ROBO2: variants seen among roughly 807,000 people sequenced by gnomAD.
ROBO2 encodes the protein roundabout homolog 2.
In ROBO2, 53 loss-of-function variants were observed where a neutral mutation model predicts 160.8. That is an observed-to-expected ratio of 0.33 (90% CI 0.26 to 0.41). The LOEUF (loss-of-function observed/expected upper bound fraction) is 0.41, where lower values mean the gene tolerates loss of function less well. Among genes scored for constraint, ROBO2 ranks in the 10% least tolerant of loss-of-function variants. ROBO2 has a pLI of 1.00. For synonymous variants in ROBO2, 664 were observed against 611.7 expected, an observed-to-expected ratio of 1.09 and a Z score of -1.26; for missense variants, 1,577 against 1,722.4, an observed-to-expected ratio of 0.92 and a Z score of 1.49.
chr3:76,800,395 C>A (rs577025149), intron 2 of ROBO2, among the ~76,000 whole-genome samples: 7 of 152,168 alleles, frequency 4.6e-5, no homozygotes, highest in South Asian at 2.1e-4. Context: ...TAAATATCTT[C>A]TGCACAAAAA....
chr3:76,804,342 A>G (rs968582842), intron 2 of ROBO2, among the ~76,000 whole-genome samples: 2 of 152,228 alleles, frequency 1.3e-5, no homozygotes, highest in Non-Finnish European at 2.9e-5. Flanking sequence ...AGTGAGAACT[A>G]CAAGTCCAAA....
At chr3:77,001,037 G>T (rs569066083) in intron 2 of ROBO2, among the ~76,000 whole-genome samples, 26 of 152,226 alleles carry the variant, frequency 1.7e-4, no homozygotes, top group African/African-American at 5.8e-4. Flanking sequence ...CATCATTTGC[G>T]TGCCTGCTAA....
rs570542524 is a variant in ROBO2 at position 76,035,416 on chromosome 3, CTGTT to C, written c.109+97828_109+97831del. 6.6e-4 allele frequency among the ~76,000 whole-genome samples: 86 copies of C among 129,388 alleles called. 1 individual carries two copies. Among genetic ancestry groups the C allele is most frequent in the African/African-American group, 2.9e-3 (73 of 25,614 alleles). The allele number at this position is 129,388 out of a possible 152,430, so 84.9% of individuals were successfully genotyped here. ...CAGAACAGAACTCATGTATGATTCT[CTGTT>C]TGTTTGTTTGTTTTTTTAATTAAGA... On this transcript the variant is annotated intron_variant, in intron 2 of 26. Transcript: ENST00000487694.
At chr3:76,634,072 C>T (rs1445060322) in intron 2 of ROBO2, among the ~76,000 whole-genome samples, 3 of 152,176 alleles carry the variant, frequency 2.0e-5, no homozygotes, top group Non-Finnish European at 4.4e-5. Flanking sequence ...TCACAAAATA[C>T]CACAGATTGG....
intron 2 of ROBO2, among the ~76,000 whole-genome samples, chr3:76,493,794 T>G (rs1658538266): frequency 6.6e-6 from 1 of 152,130 alleles, no homozygotes; most frequent in South Asian, 2.1e-4. Context: ...TGAATGCATC[T>G]CCCCTTTCTT....
chr3:75,989,070 A>G (rs1388678613), intron 2 of ROBO2, among the ~76,000 whole-genome samples: 1 of 152,020 alleles, frequency 6.6e-6, no homozygotes, highest in Non-Finnish European at 1.5e-5. Context: ...GCTACTCTTT[A>G]TATTTCCATG....
chr3:77,596,877 C>T, intron 19 of ROBO2, 127 bp downstream of exon 20: 4 of 1,059,500 alleles, frequency 3.8e-6, no homozygotes, highest in Non-Finnish European at 2.8e-6. Context: ...ATCAATGAAA[C>T]ATATGCACTA....
intron 2 of ROBO2, among the ~76,000 whole-genome samples, chr3:77,374,213 A>C (rs2072292651): frequency 6.7e-6 from 1 of 149,862 alleles, no homozygotes; most frequent in Non-Finnish European, 1.5e-5. Context: ...AGCTGGACTA[A>C]AGAAAAAAAC....
chr3:77,622,157 T>A (rs1217682543), intron 22 of ROBO2, 70 bp from the exon 24 acceptor site: 1 of 1,368,820 alleles, frequency 7.3e-7, no homozygotes, highest in African/African-American at 1.4e-5. Context: ...AGCATGCATT[T>A]AATTAAAATT....
intron 2 of ROBO2, among the ~76,000 whole-genome samples, chr3:76,121,455 T>G (rs1428014425): frequency 6.6e-6 from 1 of 152,132 alleles, no homozygotes; most frequent in Non-Finnish European, 1.5e-5. Context: ...GGTACAGGAA[T>G]GATTATTAAG....
chr3:75,909,970 TAGTG>T (rs1292511230), intron 1 of ROBO2, among the ~76,000 whole-genome samples: 1 of 152,170 alleles, frequency 6.6e-6, no homozygotes, highest in Non-Finnish European at 1.5e-5. Flanking sequence ...TTATGCCATG[TAGTG>T]AGATGGAAGT....
chr3:76,700,318 C>A (rs906954883), intron 2 of ROBO2, among the ~76,000 whole-genome samples: 1 of 152,060 alleles, frequency 6.6e-6, no homozygotes, highest in Admixed American at 6.6e-5. Context: ...AATATCCTTC[C>A]CAAAGAGCGA....
chr3:76,585,542 G>T (rs1280787932), intron 2 of ROBO2, among the ~76,000 whole-genome samples: 1 of 152,166 alleles, frequency 6.6e-6, no homozygotes, highest in East Asian at 1.9e-4. Flanking sequence ...TTTCTAGAAA[G>T]ATCCCAAATG....
intron 2 of ROBO2, among the ~76,000 whole-genome samples, chr3:76,963,233 A>G (rs2079801883): frequency 6.6e-6 from 1 of 152,154 alleles, no homozygotes; most frequent in Non-Finnish European, 1.5e-5. Flanking sequence ...GGATTATATG[A>G]CCATGGTTAT....
In ROBO2 at chr3:76,603,345, AAAAAAAATATATATATAT is replaced by A. The variant is rs1283953961; in HGVS notation, c.110-494667_110-494650del. ...AGACTCCATCTCCAAAAAAAAAAAAAAAAAAAATATATATATATATATATATATATATATATATATATG... is the reference window on the plus strand; with the variant it reads ...AGACTCCATCTCCAAAAAAAAAAAAAATATATATATATATATATATATATG... On this transcript the variant is annotated intron_variant, in intron 2 of 26. Coordinates refer to the ROBO2 transcript ENST00000487694. Among the ~76,000 whole-genome samples, 9 of 62,360 alleles carry A rather than the reference AAAAAAAATATATATATAT, an allele frequency of 1.4e-4. No homozygotes were observed. The South Asian group carries it at 2.1e-3, about 14-fold the overall frequency. The allele number at this position is 62,360 out of a possible 152,430, so 40.9% of individuals were successfully genotyped here.
At chr3:76,541,025 C>T (rs1469804476) in intron 2 of ROBO2, among the ~76,000 whole-genome samples, 1 of 152,158 alleles carries the variant, frequency 6.6e-6, no homozygotes, top group Non-Finnish European at 1.5e-5. Flanking sequence ...GTCTCAAACT[C>T]CTGACCTCAA....
At chr3:77,160,852 A>G (rs1484663037) in intron 2 of ROBO2, among the ~76,000 whole-genome samples, 1 of 152,222 alleles carries the variant, frequency 6.6e-6, no homozygotes, top group African/African-American at 2.4e-5. Flanking sequence ...AAAGTAAAAC[A>G]TAGAACTTGA....
intron 2 of ROBO2, among the ~76,000 whole-genome samples, chr3:76,865,970 TTAAGTA>T (rs1391538455): frequency 1.2e-4 from 19 of 152,226 alleles, no homozygotes; most frequent in African/African-American, 3.6e-4. Context: ...ATGCAGGAGT[TTAAGTA>T]TAAGAGAGCT....
chr3:77,132,787 A>G (rs1579263321), intron 2 of ROBO2, among the ~76,000 whole-genome samples: 1 of 152,146 alleles, frequency 6.6e-6, no homozygotes, highest in Non-Finnish European at 1.5e-5. Context: ...GAAGATTACT[A>G]AAGATGAAAA....
Sources: allele counts gnomAD v4.1 joint callset (sites outside exome capture counted in the v4.1 genomes callset), GRCh38; gene constraint gnomAD v4.1.1; transcripts MANE v1.5; gene names NCBI Gene and HGNC (gene_info 2026-07-23, HGNC 2026-07-21).